The following ZSCAN23 variants were observed in gnomAD, a reference collection of about 807,000 sequenced individuals.
ZSCAN23 encodes the protein zinc finger and SCAN domain-containing protein 23.
In ZSCAN23, 19 loss-of-function variants were observed where a neutral mutation model predicts 19.3. The ratio of observed to expected loss-of-function variants is 0.99; its 90% CI spans 0.69 to 1.45. ZSCAN23 has a LOEUF of 1.45. Ranked by LOEUF, ZSCAN23 falls within the 40% of genes most tolerant of loss-of-function variation. The probability of loss-of-function intolerance (pLI) is 0.00; values close to 1 mark genes in which losing one functional copy is unlikely to be tolerated. For missense variants in ZSCAN23, 372 were observed against 462.5 expected (o/e 0.80, Z 1.79); for synonymous variants, 140 against 166.2 (o/e 0.84, Z 1.21).
chr6:28,427,731 T>A (rs905736832), downstream of ZSCAN23, among the ~76,000 whole-genome samples: 5 of 152,178 alleles, frequency 3.3e-5, no homozygotes, highest in South Asian at 2.1e-4. Context: ...GTTAAATACG[T>A]TTCTAATGAC....
the ZSCAN23 span, among the ~76,000 whole-genome samples, chr6:28,422,675 A>C: frequency 6.6e-6 from 1 of 151,976 alleles, no homozygotes; most frequent in African/African-American, 2.4e-5. The surrounding 1 kb of genome is among the most constrained non-coding windows in gnomAD (Gnocchi z 4.0). Context: ...GAGAAACTGA[A>C]CCATGCAAGG....
chr6:28,442,703 A>C (rs1328451187), intron 1 of ZSCAN23, among the ~76,000 whole-genome samples: 1 of 152,210 alleles, frequency 6.6e-6, no homozygotes, highest in East Asian at 1.9e-4. Flanking sequence ...AAGAAAATGG[A>C]GTCTGGAGCC....
rs987973609 is a variant in ZSCAN23 at position 28,433,634 on chromosome 6, A to G, written c.*831T>C. On this transcript the variant is annotated 3_prime_UTR_variant, in exon 4 of 4. Transcript: ENST00000289788. ...AATGTGGAGGTTATAAAAACAATCA[A>G]CATGAAAGAGTGATCATACTCTTCT... The G allele has an allele frequency of 3.3e-5, 5 of 152,186 alleles. No homozygotes were observed. Among genetic ancestry groups the G allele is most frequent in the African/African-American group, 1.2e-4 (5 of 41,456 alleles). The allele number at this position is 152,186 out of a possible 1,614,324, so 9.4% of individuals were successfully genotyped here. A position where few individuals can be genotyped will look rare whatever the true frequency, so the allele number is the denominator to read the frequency against.
Position 28,434,552 on chromosome 6 carries a change from AT to A in ZSCAN23, c.1082del (p.Tyr361LeufsTer16). 6.4e-7 allele frequency: 1 copy of A among 1,553,942 alleles called. No homozygotes were observed. The highest frequency in any genetic ancestry group is 8.7e-7 in the Non-Finnish European group (1 of 1,148,252). On this transcript the variant is annotated frameshift_variant, in exon 4 of 4. Transcript: ENST00000289788. LOFTEE classifies it low-confidence loss of function (END_TRUNC). ...HQRIHTGERP[Y>X]ECEECGKNFI... ...AGTTCTTGCCACATTCTTCACATTC[AT>A]AAGGTCTCTCTCCAGTGTGAATTCT...
chr6:28,437,455 C>T (rs1379495717), intron 1 of ZSCAN23, among the ~76,000 whole-genome samples: 3 of 152,124 alleles, frequency 2.0e-5, no homozygotes, highest in African/African-American at 7.2e-5. Context: ...TGGTGGCACA[C>T]GCCTGTTATC....
downstream of ZSCAN23, among the ~76,000 whole-genome samples, chr6:28,429,999 C>T (rs1305747511): frequency 7.8e-6 from 1 of 127,732 alleles, no homozygotes; most frequent in East Asian, 3.1e-4. Context: ...TTTGTGCACA[C>T]CACCTGGCTC....
intron 1 of ZSCAN23, among the ~76,000 whole-genome samples, chr6:28,442,367 G>A (rs542472026): frequency 6.6e-6 from 1 of 152,296 alleles, no homozygotes; most frequent in African/African-American, 2.4e-5. Flanking sequence ...ATAAGATAAT[G>A]TACAATTTTG....
Position 28,434,600 on chromosome 6 carries a change from A to C in ZSCAN23, c.1035T>G (p.Arg345=), listed in dbSNP as rs1387383352. ...TTCTCTGATGCTTAATGAGGACTGA[A>C]CGTCGACTAAAACTCTTATTGCACT... is the stretch of plus-strand genomic sequence containing the variant. ...CNQCNKSFSR[R]SVLIKHQRIH... Residue 345 remains arginine, a synonymous_variant, in exon 4 of 4, where the codon CGT becomes CGG. Transcript: ENST00000289788. 1 of 1,555,472 alleles carries C rather than the reference A, an allele frequency of 6.4e-7. No individual in the cohort carries two copies.
chr6:28,442,868 G>C (rs1762029258), intron 1 of ZSCAN23, among the ~76,000 whole-genome samples: 1 of 152,200 alleles, frequency 6.6e-6, no homozygotes, highest in African/African-American at 2.4e-5. Flanking sequence ...CTATCTCATA[G>C]AGTTATGAGA....
intron 1 of ZSCAN23, among the ~76,000 whole-genome samples, chr6:28,439,323 G>A (rs946897011): frequency 6.6e-6 from 1 of 151,876 alleles, no homozygotes; most frequent in South Asian, 2.1e-4. Context: ...TCCTGACCTC[G>A]TGATCTGCCT....
rs1158216408 is a variant in ZSCAN23, at chr6:28,434,890, A to G, written c.745T>C (p.Tyr249His). The G allele has an allele frequency of 1.3e-6, 2 of 1,555,306 alleles. No homozygotes were observed. Among genetic ancestry groups the G allele is most frequent in the Non-Finnish European group, 1.7e-6 (2 of 1,149,128 alleles). ...QRVSSSVERP[Y>H]ICSECGKSFT... ...CTTTTTCCACATTCACTACAGATATAGGGTCTCTCCACTGAAGAGCTCACC... is the reference window on the plus strand; with the variant it reads ...CTTTTTCCACATTCACTACAGATATGGGGTCTCTCCACTGAAGAGCTCACC... Residue 249 changes from tyrosine to histidine, a missense_variant, in exon 4 of 4, where the codon TAT (tyrosine) becomes CAT (histidine). Physicochemically the swap from Tyr to His is moderately conservative, Grantham distance 83. Coordinates refer to ENST00000289788, the MANE Select transcript of ZSCAN23 (RefSeq NM_001012455.2).
At chr6:28,437,284 G>T (rs896553556) in intron 1 of ZSCAN23, among the ~76,000 whole-genome samples, 5 of 152,086 alleles carry the variant, frequency 3.3e-5, no homozygotes, top group Non-Finnish European at 5.9e-5. Flanking sequence ...TTTTCTCTTT[G>T]AAGCTACTTG....
intron 1 of ZSCAN23, among the ~76,000 whole-genome samples, chr6:28,438,220 C>T (rs766827155): frequency 2.7e-4 from 41 of 152,080 alleles, no homozygotes; most frequent in Non-Finnish European, 5.3e-4. Context: ...CCTCAGCCTC[C>T]TGAGTAGCTG....
rs117454777 is a variant in ZSCAN23 at position 28,437,303 on chromosome 6, G to A, written c.-77-960C>T. The stretch of plus-strand genomic sequence containing the variant: ...CTCTTTGAAGCTACTTGAAGGTGGA[G>A]AGTAGGCAATTTTATGTAAAATAAA... On this transcript the variant is annotated intron_variant, in intron 1 of 3. Coordinates refer to ENST00000289788, the MANE Select transcript of ZSCAN23 (RefSeq NM_001012455.2). Among the ~76,000 whole-genome samples the A allele has an allele frequency of 4.7e-4, 71 of 152,292 alleles. No homozygotes were observed. The East Asian group carries it at 0.013, about 29-fold the overall frequency.
rs1011699334 is a variant in ZSCAN23 at position 28,434,165 on chromosome 6, T to TA, written c.*299dup. On this transcript the variant is annotated 3_prime_UTR_variant, in exon 4 of 4. Coordinates refer to ENST00000289788, the MANE Select transcript of ZSCAN23 (RefSeq NM_001012455.2). The stretch of plus-strand genomic sequence containing the variant: ...CCTACATATAACTATTTTAAACTTT[T>TA]AAAAAAAGTTTTTAAAAACTAGGAT... 10 of 255,194 alleles carry TA rather than the reference T, an allele frequency of 3.9e-5. No individual in the cohort carries two copies. Among genetic ancestry groups the TA allele is most frequent in the African/African-American group, 1.8e-4 (8 of 45,206 alleles). The allele number at this position is 255,194 out of a possible 1,614,324, so 15.8% of individuals were successfully genotyped here.
In ZSCAN23 at chr6:28,434,551, C is replaced by G. The variant is rs1285631997; in HGVS notation, c.1084G>C (p.Glu362Gln). 5.8e-6 allele frequency: 9 copies of G among 1,553,850 alleles called. No homozygotes were observed. The highest frequency in any genetic ancestry group is 7.8e-6 in the Non-Finnish European group (9 of 1,148,220). ...AAGTTCTTGCCACATTCTTCACATT[C>G]ATAAGGTCTCTCTCCAGTGTGAATT... ...QRIHTGERPY[E>Q]CEECGKNFIY... is the part of the protein sequence containing the mutation. The change falls in exon 4 of 4, where the codon GAA (glutamate) becomes CAA (glutamine). Residue 362 changes from glutamate (E) to glutamine (Q), a missense_variant. By Grantham distance (29) the Glu-to-Gln change is conservative (BLOSUM62 2). Coordinates refer to ENST00000289788, the MANE Select transcript of ZSCAN23 (RefSeq NM_001012455.2).
chr6:28,425,441 C>G, the ZSCAN23 span, among the ~76,000 whole-genome samples: 1 of 152,164 alleles, frequency 6.6e-6, no homozygotes, highest in Non-Finnish European at 1.5e-5. Context: ...AATCTACCCA[C>G]CTTAGCCTCC....
downstream of ZSCAN23, chr6:28,431,910 A>C (rs1433243071): frequency 6.6e-6 from 1 of 152,146 alleles, no homozygotes; most frequent in African/African-American, 2.4e-5. Flanking sequence ...TGCCCAATCT[A>C]GAGTTTTAGC....
chr6:28,443,178 G>C (rs1005940135), intron 1 of ZSCAN23, among the ~76,000 whole-genome samples: 1 of 152,202 alleles, frequency 6.6e-6, no homozygotes, highest in African/African-American at 2.4e-5. Flanking sequence ...GAAGAGCTCA[G>C]GAACAGACAT....
Sources: allele counts gnomAD v4.1 joint callset (sites outside exome capture counted in the v4.1 genomes callset), GRCh38; gene constraint gnomAD v4.1.1; non-coding constraint Gnocchi (gnomAD v3.1); transcripts MANE v1.5; gene names NCBI Gene and HGNC (gene_info 2026-07-23, HGNC 2026-07-21).